Variants in CBL observed in about 807,000 individuals in gnomAD.
CBL encodes E3 ubiquitin-protein ligase CBL.
CBL carries 45 observed loss-of-function variants against 96.9 expected under a neutral mutation model. The ratio of observed to expected loss-of-function variants is 0.46; its 90% CI spans 0.37 to 0.60. CBL has a LOEUF of 0.60. Among genes scored for constraint, CBL ranks in the 20% least tolerant of loss-of-function variants. CBL has a pLI of 0.00. For missense variants in CBL, 1,024 were observed against 1,143.5 expected (o/e 0.90, Z 1.51); for synonymous variants, 420 against 426.8 (o/e 0.98, Z 0.20).
intron 11 of CBL, 132 bp from the exon 12 acceptor site, chr11:119,287,718 GAT>G: frequency 1.4e-6 from 1 of 715,078 alleles, no homozygotes; most frequent in Non-Finnish European, 2.6e-6. Flanking sequence ...CGTTTGGTCA[GAT>G]GTGATAACCC....
At chr11:119,222,075 A>G (rs1949416401) in intron 1 of CBL, among the ~76,000 whole-genome samples, 1 of 152,198 alleles carries the variant, frequency 6.6e-6, no homozygotes, top group Non-Finnish European at 1.5e-5. Context: ...CACATATTGA[A>G]TACTTGTTTT....
intron 2 of CBL, among the ~76,000 whole-genome samples, chr11:119,246,809 G>A (rs1949635237): frequency 6.6e-6 from 1 of 152,146 alleles, no homozygotes; most frequent in African/African-American, 2.4e-5. Context: ...TTAACATTTT[G>A]TACTTTAAGA....
At chr11:119,297,131 A>G in intron 13 of CBL, 97 bp downstream of exon 13, 1 of 797,118 alleles carries the variant, frequency 1.3e-6, no homozygotes, top group South Asian at 1.3e-5. Flanking sequence ...ACTGTTATCC[A>G]GTCAGATTAA....
intron 2 of CBL, among the ~76,000 whole-genome samples, chr11:119,252,972 C>T (rs1223783923): frequency 4.0e-5 from 6 of 151,044 alleles, no homozygotes; most frequent in African/African-American, 1.5e-4. Flanking sequence ...AAATGATTAA[C>T]ATATTGTTGG....
chr11:119,283,415 G>C (rs557301357), intron 9 of CBL, among the ~76,000 whole-genome samples: 1 of 151,994 alleles, frequency 6.6e-6, no homozygotes, highest in Non-Finnish European at 1.5e-5. Context: ...TTGCTTTGCT[G>C]TTGGGGAATT....
In CBL at chr11:119,278,201, A is replaced by C; in HGVS notation, c.1131A>C (p.Thr377=). The C allele has an allele frequency of 6.2e-7, 1 of 1,611,276 alleles. No individual in the cohort carries two copies. Among genetic ancestry groups the C allele is most frequent in the Non-Finnish European group, 8.5e-7 (1 of 1,177,410 alleles). Residue 377 remains threonine, a synonymous_variant, in exon 8 of 16, where the codon ACA becomes ACC. Coordinates refer to ENST00000264033, the MANE Select transcript of CBL (RefSeq NM_005188.4). ...AATTATACTGTGAGATGGGCTCCACATTCCAACTATGTAAAATATGTGCTG... is the reference window on the plus strand; with the variant it reads ...AATTATACTGTGAGATGGGCTCCACCTTCCAACTATGTAAAATATGTGCTG... ...QYELYCEMGS[T]FQLCKICAEN... is the part of the protein sequence containing the mutation.
At chr11:119,230,329 T>G (rs1057097894) in intron 1 of CBL, among the ~76,000 whole-genome samples, 3 of 152,014 alleles carry the variant, frequency 2.0e-5, no homozygotes, top group Non-Finnish European at 4.4e-5. Flanking sequence ...ATTTTTAGTA[T>G]TTTTAGTAGA....
In CBL at chr11:119,225,073, TGC is replaced by T. The variant is rs1176578172; in HGVS notation, c.196-7368_196-7367del. The stretch of plus-strand genomic sequence containing the variant: ...GGGTGTGTGTGTGTGTGTGTGTGTG[TGC>T]GCGCGCTTGTATGTATGCATGTATT... On this transcript the variant is annotated intron_variant, in intron 1 of 15. Coordinates refer to ENST00000264033, the MANE Select transcript of CBL (RefSeq NM_005188.4). Among the ~76,000 whole-genome samples the T allele has an allele frequency of 4.6e-5, 7 of 151,268 alleles. No homozygotes were observed. The East Asian group carries it at 7.8e-4, about 17-fold the overall frequency.
intron 12 of CBL, among the ~76,000 whole-genome samples, chr11:119,296,348 A>C (rs375302319): frequency 1.3e-5 from 2 of 152,066 alleles, no homozygotes; most frequent in Non-Finnish European, 2.9e-5. Context: ...CTTGTTTCCA[A>C]AGTTTCTGGG....
intron 1 of CBL, among the ~76,000 whole-genome samples, chr11:119,230,827 CACAA>C (rs1401638775): frequency 3.9e-5 from 6 of 152,146 alleles, no homozygotes. Flanking sequence ...AAATAGAAAG[CACAA>C]ACAAGTTGTT....
rs1949969920 is a variant in CBL at position 119,285,034 on chromosome 11, A to G, written c.1497A>G (p.Arg499=). Residue 499 remains arginine (R), a synonymous_variant, in exon 10 of 16, where the codon CGA becomes CGG. Transcript: ENST00000264033. ...PQASLPPVPP[R]LDLLPQRVCV... Reference sequence around the variant, plus strand: ...CTTCCCTTCCCCCGGTGCCACCACGACTTGACCTTCTGCCGCAGCGAGTAT... The same window carrying G: ...CTTCCCTTCCCCCGGTGCCACCACGGCTTGACCTTCTGCCGCAGCGAGTAT... 3 of 1,614,058 alleles carry G rather than the reference A, an allele frequency of 1.9e-6. No individual in the cohort carries two copies. Among genetic ancestry groups the G allele is most frequent in the Non-Finnish European group, 2.5e-6 (3 of 1,180,002 alleles).
chr11:119,275,049 A>G (rs1949878008), intron 5 of CBL, 96 bp downstream of exon 5: 1 of 1,311,134 alleles, frequency 7.6e-7, no homozygotes, highest in East Asian at 2.3e-5. Context: ...TTAGTTTCGC[A>G]ATAGCCAAGG....
chr11:119,252,199 T>A (rs1949674687), intron 2 of CBL, among the ~76,000 whole-genome samples: 1 of 151,974 alleles, frequency 6.6e-6, no homozygotes, highest in Non-Finnish European at 1.5e-5. Context: ...ACCCTCCCCC[T>A]ACTCCATTTA....
At chr11:119,250,717 G>C (rs137945552) in intron 2 of CBL, among the ~76,000 whole-genome samples, 5 of 152,280 alleles carry the variant, frequency 3.3e-5, no homozygotes, top group African/African-American at 4.8e-5. Context: ...TCAGAGGCTG[G>C]AGGTGGGTGT....
intron 9 of CBL, among the ~76,000 whole-genome samples, chr11:119,284,566 G>A (rs1949965397): frequency 6.6e-6 from 1 of 152,114 alleles, no homozygotes; most frequent in Admixed American, 6.6e-5. Flanking sequence ...GGGCCACTGT[G>A]CATGGCCTGC....
chr11:119,215,055 C>T (rs1194110406), intron 1 of CBL, among the ~76,000 whole-genome samples: 1 of 151,936 alleles, frequency 6.6e-6, no homozygotes, highest in Non-Finnish European at 1.5e-5. Context: ...TTCATAATTC[C>T]TTAATGTAAA....
chr11:119,299,521 G>A lies in CBL; in HGVS notation c.2461G>A (p.Glu821Lys), dbSNP rs759358775. 1.2e-5 allele frequency: 20 copies of A among 1,613,960 alleles called. No homozygotes were observed. The highest frequency in any genetic ancestry group is 9.4e-5 in the African/African-American group (7 of 74,864). The part of the protein sequence containing the change: ...TNVTEGSQVP[E>K]RPPKPFPRRI... ...TGTCACTGAAGGTTCCCAAGTTCCC[G>A]AGAGGCCTCCAAAACCATTCCCGCG... The change falls in exon 16 of 16, where the codon GAG (glutamate) becomes AAG (lysine). Residue 821 changes from glutamate (E) to lysine (K), a missense_variant. Around this residue, in one of 4 missense-constraint regions of CBL, gnomAD observed 695 missense variants for 661.6 expected, o/e 1.05. Transcript: ENST00000264033.
At chr11:119,254,203 C>G (rs933520372) in intron 2 of CBL, among the ~76,000 whole-genome samples, 2 of 151,974 alleles carry the variant, frequency 1.3e-5, no homozygotes, top group Admixed American at 1.3e-4. Flanking sequence ...AAGTCATGTT[C>G]ACTGAATTAT....
chr11:119,233,896 A>G (rs1171170470), intron 2 of CBL, among the ~76,000 whole-genome samples: 1 of 152,214 alleles, frequency 6.6e-6, no homozygotes, highest in Non-Finnish European at 1.5e-5. Context: ...GCTTTCAATT[A>G]AAATTTTATG....
Sources: gnomAD v4.1 joint callset for allele counts (sites outside exome capture counted in the v4.1 genomes callset) on GRCh38, gnomAD v4.1.1 for gene constraint, gnomAD v4.1.1 regional missense constraint, MANE v1.5 for transcripts, NCBI Gene and HGNC (gene_info 2026-07-23, HGNC 2026-07-21) for gene names.